NRXN1: variants seen among roughly 807,000 people sequenced by gnomAD.
The protein encoded by NRXN1 is neurexin 1, also known as neurexin-1.
A neutral mutation model predicts 150.9 loss-of-function variants in NRXN1; 39 were observed. The observed-to-expected ratio is 0.26, with a 90% confidence interval of 0.20 to 0.34. The LOEUF is 0.34. Ranked by LOEUF, NRXN1 falls within the 10% of genes least tolerant of loss-of-function variation. The probability of loss-of-function intolerance (pLI) is 1.00; values close to 1 mark genes in which losing one functional copy is unlikely to be tolerated. For missense variants in NRXN1, 1,815 were observed against 1,949.9 expected (o/e 0.93, Z 1.30); for synonymous variants, 924 against 757.0 (o/e 1.22, Z -3.62).
chr2:49,929,642 G>A (rs1381081068), intron 22 of NRXN1, among the ~76,000 whole-genome samples: 1 of 152,066 alleles, frequency 6.6e-6, no homozygotes, highest in Non-Finnish European at 1.5e-5. Flanking sequence ...TTTATGCCTT[G>A]CTCATATAAC....
At position 50,893,727 on chromosome 2, in the gene NRXN1, G is replaced by A. The variant is rs552259283; in HGVS notation, c.832+28142C>T. On this transcript the variant is annotated intron_variant, in intron 5 of 22. Coordinates refer to ENST00000401669, the MANE Select transcript of NRXN1 (RefSeq NM_001330078.2). ...ATAATGTGATTTTTGATAAACAAAA[G>A]TATTTTCGTTTATTAGTAAGACTTT... Among the ~76,000 whole-genome samples, 3 of 152,240 alleles carry A rather than the reference G, an allele frequency of 2.0e-5. No homozygotes were observed. The South Asian group carries it at 6.2e-4, about 32-fold the overall frequency.
intron 17 of NRXN1, among the ~76,000 whole-genome samples, chr2:50,349,843 T>C (rs866462070): frequency 6.6e-6 from 1 of 152,200 alleles, no homozygotes; most frequent in Non-Finnish European, 1.5e-5. Flanking sequence ...ACGTAGAACA[T>C]TGCATTGTTT....
intron 5 of NRXN1, among the ~76,000 whole-genome samples, chr2:50,899,038 A>T (rs140944903): frequency 6.6e-6 from 1 of 152,304 alleles, no homozygotes; most frequent in Non-Finnish European, 1.5e-5. Context: ...TTGAAAAAGA[A>T]GATGATGTAT....
chr2:50,109,803 A>T (rs2152723222), intron 18 of NRXN1, among the ~76,000 whole-genome samples: 1 of 152,250 alleles, frequency 6.6e-6, no homozygotes, highest in South Asian at 2.1e-4. Context: ...TCCAGAGAGC[A>T]ATCTTTCACG....
intron 5 of NRXN1, among the ~76,000 whole-genome samples, chr2:50,667,315 C>A (rs1047556574): frequency 2.0e-5 from 3 of 151,802 alleles, no homozygotes; most frequent in African/African-American, 7.2e-5. Context: ...TAATAGAGGG[C>A]TTCTTCTATT....
At chr2:50,759,458 T>A (rs1416403612) in intron 5 of NRXN1, among the ~76,000 whole-genome samples, 1 of 151,926 alleles carries the variant, frequency 6.6e-6, no homozygotes, top group Non-Finnish European at 1.5e-5. Flanking sequence ...TCTGCTACCA[T>A]CTTGGTGTAC....
chr2:50,416,634 T>G (rs1444564850), intron 17 of NRXN1, among the ~76,000 whole-genome samples: 1 of 152,140 alleles, frequency 6.6e-6, no homozygotes, highest in Non-Finnish European at 1.5e-5. Context: ...TCTGCATGGC[T>G]GGGAAGGCCT....
At chr2:50,263,941 G>A (rs1574820478) in intron 17 of NRXN1, among the ~76,000 whole-genome samples, 1 of 152,098 alleles carries the variant, frequency 6.6e-6, no homozygotes, top group African/African-American at 2.4e-5. Context: ...GACATCGTGT[G>A]AAATCAATGG....
At chr2:49,995,998 T>A (rs1321824293) in intron 21 of NRXN1, among the ~76,000 whole-genome samples, 1 of 151,398 alleles carries the variant, frequency 6.6e-6, no homozygotes, top group Non-Finnish European at 1.5e-5. Flanking sequence ...TTACTGAGCA[T>A]CCACAGTGAG....
intron 5 of NRXN1, among the ~76,000 whole-genome samples, chr2:50,748,767 G>C (rs1700267156): frequency 6.6e-6 from 1 of 151,946 alleles, no homozygotes; most frequent in South Asian, 2.1e-4. Flanking sequence ...ATTCCTGTAG[G>C]GCAATCAAAA....
At chr2:50,773,657 G>C (rs1246870615) in intron 5 of NRXN1, among the ~76,000 whole-genome samples, 1 of 152,118 alleles carries the variant, frequency 6.6e-6, no homozygotes, top group Admixed American at 6.6e-5. Context: ...TTTGCTCAGG[G>C]GGATGAGCTC....
chr2:50,635,779 G>C (rs546343924), intron 5 of NRXN1, among the ~76,000 whole-genome samples: 6 of 152,290 alleles, frequency 3.9e-5, no homozygotes, highest in African/African-American at 1.4e-4. Context: ...GGTGGGAAGT[G>C]GGGAGTTAGA....
chr2:50,601,634 T>C (rs1156602295), intron 8 of NRXN1, among the ~76,000 whole-genome samples: 3 of 152,188 alleles, frequency 2.0e-5, no homozygotes, highest in Admixed American at 1.3e-4. Context: ...CCTGATGTAT[T>C]TGTAAGTTTT....
At chr2:50,997,694 G>A (rs576051861) in intron 2 of NRXN1, among the ~76,000 whole-genome samples, 3 of 140,036 alleles carry the variant, frequency 2.1e-5, no homozygotes, top group Non-Finnish European at 4.5e-5. Context: ...AAAATTATCT[G>A]GAGACGGTTT....
chr2:50,227,374 G>T (rs2064494783), intron 18 of NRXN1, among the ~76,000 whole-genome samples: 2 of 151,980 alleles, frequency 1.3e-5, no homozygotes, highest in African/African-American at 4.8e-5. Context: ...AACTGAACAG[G>T]GAGCCCATGC....
chr2:50,337,484 A>C (rs1285473972), intron 17 of NRXN1, among the ~76,000 whole-genome samples: 2 of 152,182 alleles, frequency 1.3e-5, no homozygotes, highest in Non-Finnish European at 2.9e-5. Flanking sequence ...CTGTGCCTCA[A>C]TATCCTTATG....
At chr2:50,009,525 T>C (rs370012130) in intron 21 of NRXN1, among the ~76,000 whole-genome samples, 5 of 152,300 alleles carry the variant, frequency 3.3e-5, no homozygotes, top group African/African-American at 1.2e-4. Flanking sequence ...ATGAATTCCC[T>C]GCACAGTCTT....
At position 50,324,464 on chromosome 2, in the gene NRXN1, G is replaced by C. The variant is rs534169775; in HGVS notation, c.3365-87494C>G. ...TTGCAGGAACTTCTATCAGAGCCCT[G>C]GGTTGGGGGAATCCTAGCAGTGTGT... On this transcript the variant is annotated intron_variant, in intron 17 of 22. Coordinates refer to ENST00000401669, the MANE Select transcript of NRXN1 (RefSeq NM_001330078.2). 8.5e-5 allele frequency among the ~76,000 whole-genome samples: 13 copies of C among 152,338 alleles called. No individual in the cohort carries two copies. In the East Asian group the frequency reaches 2.5e-3, roughly 29 times the overall value.
intron 18 of NRXN1, among the ~76,000 whole-genome samples, chr2:50,131,328 T>A (rs932772714): frequency 2.0e-5 from 3 of 152,216 alleles, no homozygotes; most frequent in African/African-American, 7.2e-5. Context: ...TGATAAAACC[T>A]TACTGTTTAA....
Sources: gnomAD v4.1 joint callset for allele counts (sites outside exome capture counted in the v4.1 genomes callset) on GRCh38, gnomAD v4.1.1 for gene constraint, MANE v1.5 for transcripts, NCBI Gene and HGNC (gene_info 2026-07-23, HGNC 2026-07-21) for gene names.